Variants in FAM163B observed in about 807,000 individuals in gnomAD.
FAM163B encodes protein FAM163B.
In FAM163B, 4 loss-of-function variants were observed where a neutral mutation model predicts 7.6. That is an observed-to-expected ratio of 0.52 (90% CI 0.26 to 1.20). The LOEUF is 1.20. Ranked by LOEUF, FAM163B falls within the 50% of genes most tolerant of loss-of-function variation. The probability of loss-of-function intolerance (pLI) is 0.14; values close to 1 mark genes in which losing one functional copy is unlikely to be tolerated. For missense variants in FAM163B, 250 were observed against 243.0 expected, an observed-to-expected ratio of 1.03 and a Z score of -0.19; for synonymous variants, 120 against 111.6, an observed-to-expected ratio of 1.07 and a Z score of -0.47.
Position 133,579,265 on chromosome 9 carries a change from C to G in FAM163B, c.258G>C (p.Gln86His), listed in dbSNP as rs1406455189. ...AGCAGCTGCGGCAGAGGGCGCGGGC[C>G]TGCGGGGACTTCTGGCTGAAGGAGG... is the stretch of plus-strand genomic sequence containing the variant. Reference protein sequence around the residue: ...ASTSFSQKSPQARALCRSCSH... With the variant: ...ASTSFSQKSPHARALCRSCSH... The change falls in exon 3 of 3, where the codon CAG (glutamine) becomes CAC (histidine). Residue 86 changes from glutamine (Q) to histidine (H), a missense_variant. By Grantham distance (24) the Gln-to-His change is conservative. Coordinates refer to ENST00000673969, the MANE Select transcript of FAM163B (RefSeq NM_001080515.3). 2 of 1,612,644 alleles carry G rather than the reference C, an allele frequency of 1.2e-6. No homozygotes were observed. The highest frequency in any genetic ancestry group is 4.5e-5 in the East Asian group (2 of 44,888).
chr9:133,579,506 A>C, intron 2 of FAM163B, 77 bp from the exon 3 acceptor site: 1 of 1,478,882 alleles, frequency 6.8e-7, no homozygotes, highest in Non-Finnish European at 9.0e-7. Context: ...GCTACCCCTG[A>C]CTGGGGAGGG....
At chr9:133,599,873 CTGTG>C (rs1023639927) in intron 1 of FAM163B, among the ~76,000 whole-genome samples, 1 of 143,642 alleles carries the variant, frequency 7.0e-6, no homozygotes, top group Non-Finnish European at 1.5e-5. Flanking sequence ...GCTAGTGTGT[CTGTG>C]TGCATGCATA....
chr9:133,588,713 G>GTTGAGAGAT (rs1462228616), intron 1 of FAM163B, among the ~76,000 whole-genome samples: 1 of 15,332 alleles, frequency 6.5e-5, no homozygotes, highest in Non-Finnish European at 1.4e-4. Context: ...GATCTAGCAT[G>GTTGAGAGAT]CTGCTGACCC....
intron 1 of FAM163B, among the ~76,000 whole-genome samples, chr9:133,588,634 G>A (rs369671453): frequency 1.4e-5 from 2 of 146,104 alleles, no homozygotes; most frequent in African/African-American, 2.5e-5. Flanking sequence ...GCATGTTGAG[G>A]GATCTAGCAG....
At chr9:133,583,726 G>A (rs1364789973) in intron 1 of FAM163B, among the ~76,000 whole-genome samples, 6 of 152,352 alleles carry the variant, frequency 3.9e-5, no homozygotes, top group African/African-American at 1.2e-4. Flanking sequence ...GCCTGGCGGC[G>A]TGACGGGAAG....
In FAM163B at chr9:133,577,361, C is replaced by CG. The variant is rs1367113522; in HGVS notation, c.*1660dup. Reference sequence around the variant, plus strand: ...AGGAAGCCAGAGGTGTGGGCGGGCCCGGGGGGCCGGGGCTGCGAGGGACCT... The same window carrying CG: ...AGGAAGCCAGAGGTGTGGGCGGGCCCGGGGGGGCCGGGGCTGCGAGGGACCT... On this transcript the variant is annotated 3_prime_UTR_variant, in exon 3 of 3. Transcript: ENST00000673969. 6.6e-6 allele frequency among the ~76,000 whole-genome samples: 1 copy of CG among 150,890 alleles called. No homozygotes were observed. Among genetic ancestry groups the CG allele is most frequent in the Non-Finnish European group, 1.5e-5 (1 of 67,738 alleles).
intron 1 of FAM163B, among the ~76,000 whole-genome samples, chr9:133,597,611 A>T (rs1831650548): frequency 6.6e-6 from 1 of 152,230 alleles, no homozygotes; most frequent in Non-Finnish European, 1.5e-5. Context: ...GGATGATATT[A>T]TAAACCCACA....
Position 133,579,059 on chromosome 9 carries a change from G to T in FAM163B, c.464C>A (p.Ala155Asp). 2 of 1,581,276 alleles carry T rather than the reference G, an allele frequency of 1.3e-6. No individual in the cohort carries two copies. Among genetic ancestry groups the T allele is most frequent in the South Asian group, 1.1e-5 (1 of 87,320 alleles). ...GCTGATGCTGCGGCTCCTGGCGAAG[G>T]CCTCCCGCATGGCTGAGAGGCGGTT... ...NPNRLSAMRE[A>D]FARSRSISTD... The change falls in exon 3 of 3, where the codon GCC becomes GAC. Residue 155 changes from alanine (A) to aspartate (D), a missense_variant. Transcript: ENST00000673969.
rs999923130 is a variant in FAM163B, at chr9:133,578,289, C to G, written c.*733G>C. The G allele has an allele frequency of 6.6e-6, 1 of 152,416 alleles. No individual in the cohort carries two copies. The highest frequency in any genetic ancestry group is 6.5e-5 in the Admixed American group (1 of 15,284). The allele number at this position is 152,416 out of a possible 1,614,324, so 9.4% of individuals were successfully genotyped here. ...TGCCTCTCCCACGGCAGGGGGACTGCGACATGGCCTCTCCCTCTCCCCGTG... is the reference window on the plus strand; with the variant it reads ...TGCCTCTCCCACGGCAGGGGGACTGGGACATGGCCTCTCCCTCTCCCCGTG... On this transcript the variant is annotated 3_prime_UTR_variant, in exon 3 of 3. Transcript: ENST00000673969.
At position 133,600,919 on chromosome 9, in the gene FAM163B, A is replaced by AG. The variant is rs1015452647; in HGVS notation, c.-24+8157dup. On this transcript the variant is annotated intron_variant, in intron 1 of 2. Transcript: ENST00000673969. The surrounding 1 kb of genome is among the most constrained non-coding windows in gnomAD (Gnocchi z 4.9). ...ACTCAACTCTCCCTTGGTAGGGGGT[A>AG]GGGGGGGAGCTTCATTGCCTCGAGT... 3.3e-5 allele frequency among the ~76,000 whole-genome samples: 5 copies of AG among 151,950 alleles called. No homozygotes were observed. The highest frequency in any genetic ancestry group is 5.9e-5 in the Non-Finnish European group (4 of 67,914).
Position 133,580,226 on chromosome 9 carries a change from GCC to G in FAM163B, c.-5_-4del. 1 of 1,612,710 alleles carries G rather than the reference GCC, an allele frequency of 6.2e-7. No individual in the cohort carries two copies. Among genetic ancestry groups the G allele is most frequent in the Non-Finnish European group, 8.5e-7 (1 of 1,179,514 alleles). On this transcript the variant is annotated 5_prime_UTR_variant, in exon 2 of 3. Transcript: ENST00000673969. ...ATGACCACGGTCCCGGCTGTCATCC[GCC>G]CCCTTCTCCATCAACAGCCTGCAAC...
chr9:133,604,959 G>A (rs1831772132), intron 1 of FAM163B, among the ~76,000 whole-genome samples: 1 of 152,248 alleles, frequency 6.6e-6, no homozygotes, highest in African/African-American at 2.4e-5. Flanking sequence ...CACAGAAACT[G>A]TGGACCTCCT....
At chr9:133,603,429 G>C (rs1831753854) in intron 1 of FAM163B, among the ~76,000 whole-genome samples, 1 of 152,210 alleles carries the variant, frequency 6.6e-6, no homozygotes, top group Non-Finnish European at 1.5e-5. Context: ...GGAGACCAGG[G>C]GGTGAGAGGT....
chr9:133,602,539 T>C (rs542708515), intron 1 of FAM163B, among the ~76,000 whole-genome samples: 3 of 152,010 alleles, frequency 2.0e-5, no homozygotes, highest in Non-Finnish European at 2.9e-5. Flanking sequence ...ACAGGACGGC[T>C]CAGCCCAGGG....
Position 133,580,138 on chromosome 9 carries a change from C to CAGGT in FAM163B, c.85_86insACCT (p.Arg29HisfsTer198). On this transcript the variant is annotated frameshift_variant, in exon 2 of 3. Transcript: ENST00000673969. LOFTEE classifies it high-confidence loss of function. ...CCCGCCGCCCGGGAATACCTGGAGC[C>CAGGT]GGCAGTAGCACAGAACAGCGATGAT... The CAGGT allele has an allele frequency of 1.2e-6, 2 of 1,611,906 alleles. No individual in the cohort carries two copies. Among genetic ancestry groups the CAGGT allele is most frequent in the Non-Finnish European group, 1.7e-6 (2 of 1,179,920 alleles).
intron 1 of FAM163B, among the ~76,000 whole-genome samples, chr9:133,596,417 G>T (rs1284798011): frequency 1.4e-5 from 2 of 144,948 alleles, no homozygotes; most frequent in African/African-American, 2.5e-5. Flanking sequence ...GGGGGCGGGG[G>T]TGGCTCACCC....
chr9:133,585,012 G>A (rs1831412275), intron 1 of FAM163B, among the ~76,000 whole-genome samples: 2 of 152,198 alleles, frequency 1.3e-5, no homozygotes, highest in Non-Finnish European at 2.9e-5. Flanking sequence ...TTCCCACCCC[G>A]GGTTTTTACA....
intron 1 of FAM163B, among the ~76,000 whole-genome samples, chr9:133,580,906 A>G (rs1831346548): frequency 2.0e-5 from 3 of 152,234 alleles, no homozygotes; most frequent in African/African-American, 7.2e-5. Context: ...ACTGAAAACC[A>G]ATTCCTGCCT....
At chr9:133,605,958 G>A (rs1831784250) in intron 1 of FAM163B, among the ~76,000 whole-genome samples, 1 of 152,158 alleles carries the variant, frequency 6.6e-6, no homozygotes, top group South Asian at 2.1e-4. Flanking sequence ...TGCAGCCAGA[G>A]AGGGTCCCTA....
Sources: allele counts gnomAD v4.1 joint callset (sites outside exome capture counted in the v4.1 genomes callset), GRCh38; gene constraint gnomAD v4.1.1; non-coding constraint Gnocchi (gnomAD v3.1); transcripts MANE v1.5; gene names NCBI Gene and HGNC (gene_info 2026-07-23, HGNC 2026-07-21).